Variants in SNURF observed in about 807,000 individuals in gnomAD.
The protein encoded by SNURF is SNRPN upstream open reading frame.
A neutral mutation model predicts 11.6 loss-of-function variants in SNURF; 6 were observed. The observed-to-expected ratio is 0.52, with a 90% CI of 0.28 to 1.02. The LOEUF (loss-of-function observed/expected upper bound fraction) is 1.02. Among genes scored for constraint, SNURF ranks in the 50% least tolerant of loss-of-function variants. The pLI is 0.09. For synonymous variants in SNURF, 29 were observed against 31.6 expected (o/e 0.92, Z 0.27); for missense variants, 84 against 88.4 (o/e 0.95, Z 0.20).
At chr15:24,960,273 T>C (rs1253341112) in intron 1 of SNURF, among the ~76,000 whole-genome samples, 1 of 152,204 alleles carries the variant, frequency 6.6e-6, no homozygotes, top group Admixed American at 6.5e-5. Flanking sequence ...TATAACACTT[T>C]ATGTTTCCAC....
In SNURF at chr15:24,968,256, C is replaced by CT. The variant is rs1479305782; in HGVS notation, c.*222dup. 7.7e-6 allele frequency: 4 copies of CT among 518,110 alleles called. No individual in the cohort carries two copies. The South Asian group carries it at 8.7e-5, about 11-fold the overall frequency. 32.1% of individuals were successfully genotyped at this position (518,110 alleles called of 1,614,324 possible). ...GGACCTTAAATTTTCTGCCCTGACA[C>CT]TTTCGTCATGTTTCTGTATTCCAGT... On this transcript the variant is annotated 3_prime_UTR_variant, in exon 3 of 3. Coordinates refer to ENST00000577949, the Ensembl canonical transcript of SNURF.
rs144914401 is a variant in SNURF at position 24,957,699 on chromosome 15, C to T, written c.14+2637C>T. On this transcript the variant is annotated intron_variant, in intron 1 of 2. Transcript: ENST00000577949. ...TATTTTTGGGTAGTTTTAAAAATAG[C>T]AGGAGTCTGGGATTTTATATGATAT... Among the ~76,000 whole-genome samples, 559 of 152,248 alleles carry T rather than the reference C, an allele frequency of 3.7e-3. 5 individuals are homozygous for T. The highest frequency in any genetic ancestry group is 0.013 in the African/African-American group (535 of 41,538).
chr15:24,961,160 T>A (rs569883287), intron 1 of SNURF, among the ~76,000 whole-genome samples: 1 of 152,314 alleles, frequency 6.6e-6, no homozygotes, highest in South Asian at 2.1e-4. Context: ...TCAAAAGTAA[T>A]AAACATTATC....
downstream of SNURF, chr15:24,978,411 A>G (rs2077312219): frequency 6.2e-7 from 1 of 1,611,352 alleles, no homozygotes; most frequent in Non-Finnish European, 8.5e-7. Context: ...TTCCAGGTCC[A>G]CCTCCCCCAG....
intron 3 of SNURF, chr15:24,974,332 T>C: frequency 1.1e-6 from 1 of 873,526 alleles, no homozygotes; most frequent in Non-Finnish European, 2.0e-6. Flanking sequence ...TCTTTGAAGC[T>C]TCTGCCCAGC....
chr15:24,969,944 G>A (rs1203813848), downstream of SNURF, among the ~76,000 whole-genome samples: 2 of 152,184 alleles, frequency 1.3e-5, no homozygotes, highest in Admixed American at 6.5e-5. Flanking sequence ...TTGAATGACA[G>A]GCAAAGCCTA....
intron 2 of SNURF, among the ~76,000 whole-genome samples, chr15:24,964,202 G>C (rs1395386484): frequency 6.6e-6 from 1 of 151,672 alleles, no homozygotes; most frequent in South Asian, 2.1e-4. Context: ...TTTTATGTAC[G>C]TTTTGTTTGT....
chr15:24,962,057 A>T, intron 1 of SNURF, 57 bp from the exon 2 acceptor site: 1 of 1,340,426 alleles, frequency 7.5e-7, no homozygotes, highest in Non-Finnish European at 1.1e-6. Flanking sequence ...CTTGACAAAT[A>T]GTTATTTCAT....
intron 4 of SNURF, among the ~76,000 whole-genome samples, chr15:24,975,937 TTC>T (rs1277826285): frequency 6.6e-6 from 1 of 152,216 alleles, no homozygotes; most frequent in East Asian, 1.9e-4. Flanking sequence ...ATTATTTCAG[TTC>T]TGTGTCACCT....
intron 6 of SNURF, among the ~76,000 whole-genome samples, chr15:24,977,547 A>G (rs1236672754): frequency 1.3e-5 from 2 of 152,062 alleles, no homozygotes; most frequent in African/African-American, 4.8e-5. Context: ...GGGAGACAGG[A>G]GAATCGCTTG....
chr15:24,960,989 G>A (rs903536334), intron 1 of SNURF, among the ~76,000 whole-genome samples: 1 of 151,670 alleles, frequency 6.6e-6, no homozygotes, highest in Non-Finnish European at 1.5e-5. Context: ...GTTTGTTTTG[G>A]ATACTAGAAA....
At chr15:24,977,152 C>T (rs1275992780) in intron 6 of SNURF, 7 of 684,358 alleles carry the variant, frequency 1.0e-5, no homozygotes, top group African/African-American at 1.9e-5. Context: ...TAGGAGGAAC[C>T]AAAACACAGA....
downstream of SNURF, chr15:24,978,415 C>A (rs1327443516): frequency 6.2e-7 from 1 of 1,613,838 alleles, no homozygotes; most frequent in East Asian, 2.2e-5. Context: ...AGGTCCACCT[C>A]CCCCAGGAAT....
downstream of SNURF, chr15:24,968,772 G>A (rs1008515332): frequency 1.3e-5 from 2 of 151,978 alleles, no homozygotes; most frequent in East Asian, 3.9e-4. Context: ...TTTAACCAAT[G>A]TATTTCCTCT....
intron 1 of SNURF, among the ~76,000 whole-genome samples, chr15:24,960,963 T>A (rs1284068164): frequency 6.6e-6 from 1 of 152,164 alleles, no homozygotes; most frequent in Non-Finnish European, 1.5e-5. Context: ...TTTTTCATTG[T>A]TTGGATTTTC....
intron 3 of SNURF, among the ~76,000 whole-genome samples, chr15:24,973,973 A>G (rs2076771384): frequency 6.6e-6 from 1 of 152,232 alleles, no homozygotes; most frequent in African/African-American, 2.4e-5. Flanking sequence ...TGATACAGAG[A>G]TGACTTCATA....
At position 24,956,541 on chromosome 15, in the gene SNURF, C is replaced by T. The variant is rs115656960; in HGVS notation, c.14+1479C>T. ...GCTGCTTGGGAAAGGATGCAGGTTG[C>T]GCAGACGCAGCAGAGGTGACAGTCG... On this transcript the variant is annotated intron_variant, in intron 1 of 2. Transcript: ENST00000577949. 3.0e-3 allele frequency among the ~76,000 whole-genome samples: 454 copies of T among 152,290 alleles called. 1 individual carries two copies. The highest frequency in any genetic ancestry group is 0.011 in the African/African-American group (438 of 41,572).
At chr15:24,973,416 T>G (rs180839645), downstream of SNURF, among the ~76,000 whole-genome samples, 148 of 151,896 alleles carry the variant, frequency 9.7e-4, 1 homozygote, top group Middle Eastern at 0.017. Flanking sequence ...AGATGAAGTT[T>G]TGCTCTTGTC....
At chr15:24,969,440 T>C (rs150374326), downstream of SNURF, among the ~76,000 whole-genome samples, 102 of 152,340 alleles carry the variant, frequency 6.7e-4, no homozygotes, top group African/African-American at 2.3e-3. Flanking sequence ...ATTTTGAGTT[T>C]AAATCAAAGG....
Sources: allele counts gnomAD v4.1 joint callset (sites outside exome capture counted in the v4.1 genomes callset), GRCh38; gene constraint gnomAD v4.1.1; transcripts MANE v1.5; gene names NCBI Gene and HGNC (gene_info 2026-07-23, HGNC 2026-07-21).